Variants in PLEKHA8 observed in about 807,000 individuals in gnomAD.
PLEKHA8 encodes pleckstrin homology domain containing A8.
Under a neutral mutation model 68.2 loss-of-function variants are expected in PLEKHA8, and 36 were observed. The ratio of observed to expected loss-of-function variants is 0.53; its 90% CI spans 0.40 to 0.70. The LOEUF (loss-of-function observed/expected upper bound fraction) is 0.70. Among genes scored for constraint, PLEKHA8 ranks in the 30% least tolerant of loss-of-function variants. PLEKHA8 has a pLI of 0.00. For synonymous variants in PLEKHA8, 211 were observed against 216.1 expected (o/e 0.98, Z 0.20); for missense variants, 505 against 615.4 (o/e 0.82, Z 1.90).
chr7:30,056,744 TG>T (rs903695829), intron 9 of PLEKHA8, among the ~76,000 whole-genome samples: 5 of 20,328 alleles, frequency 2.5e-4, no homozygotes, highest in African/African-American at 6.8e-4. Context: ...AAAAAAAAAG[TG>T]TGTGTGTGTG....
intron 13 of PLEKHA8, 136 bp downstream of exon 13, chr7:30,074,268 G>GTGTGTGTGTGTA (rs1794468821): frequency 3.1e-6 from 2 of 652,352 alleles, no homozygotes; most frequent in South Asian, 5.1e-5. Context: ...GTGTGTGTGT[G>GTGTGTGTGTGTA]TGTGTATGTG....
Position 30,036,794 on chromosome 7 carries a change from C to T in PLEKHA8, c.40+7992C>T, listed in dbSNP as rs192876381. 3.1e-3 allele frequency among the ~76,000 whole-genome samples: 479 copies of T among 152,300 alleles called. 2 individuals are homozygous for T. Among genetic ancestry groups the T allele is most frequent in the Admixed American group, 8.7e-3 (133 of 15,302 alleles). Reference sequence around the variant, plus strand: ...GGGATCTTTTCTCTAAATCTCCAAACCTGGCAAACTACAACTGCTCAGAAA... The same window carrying T: ...GGGATCTTTTCTCTAAATCTCCAAATCTGGCAAACTACAACTGCTCAGAAA... On this transcript the variant is annotated intron_variant, in intron 1 of 13. Coordinates refer to ENST00000449726, the MANE Select transcript of PLEKHA8 (RefSeq NM_001197026.2).
chr7:30,048,099 G>A, intron 4 of PLEKHA8, 143 bp downstream of exon 4: 1 of 415,526 alleles, frequency 2.4e-6, no homozygotes, highest in Non-Finnish European at 3.6e-6. Context: ...CTTACAGGTG[G>A]TGTTTACTCT....
chr7:30,081,437 G>A lies in PLEKHA8; in HGVS notation c.*2650G>A. 1.0e-6 allele frequency: 1 copy of A among 984,764 alleles called. No individual in the cohort carries two copies. The highest frequency in any genetic ancestry group is 1.2e-6 in the Non-Finnish European group (1 of 829,320). 61.0% of individuals were successfully genotyped at this position (984,764 alleles called of 1,614,324 possible). A position where few individuals can be genotyped will look rare whatever the true frequency, so the allele number is the denominator to read the frequency against. On this transcript the variant is annotated 3_prime_UTR_variant, in exon 14 of 14. Coordinates refer to ENST00000449726, the MANE Select transcript of PLEKHA8 (RefSeq NM_001197026.2). Reference sequence around the variant, plus strand: ...TAACCTGAACCTTGGCATAGTCAGAGCTTCCTCCTACATCTAAAGTATTTG... The same window carrying A: ...TAACCTGAACCTTGGCATAGTCAGAACTTCCTCCTACATCTAAAGTATTTG...
rs900529770 is a variant in PLEKHA8 at position 30,046,242 on chromosome 7, A to G, written c.190A>G (p.Ile64Val). Residue 64 changes from isoleucine (I) to valine (V), a missense_variant, in exon 3 of 14, where the codon ATA (isoleucine) becomes GTA (valine). Coordinates refer to ENST00000449726, the MANE Select transcript of PLEKHA8 (RefSeq NM_001197026.2). ...HSVDNTRMDL[I>V]IPGEQYFYLK... ...TGTAGATAATACACGCATGGACCTG[A>G]TAATCCCTGGGGAACAGTATTTCTA... is the stretch of plus-strand genomic sequence containing the variant. 1.2e-6 allele frequency: 2 copies of G among 1,613,072 alleles called. No individual in the cohort carries two copies. Among genetic ancestry groups the G allele is most frequent in the African/African-American group, 2.7e-5 (2 of 74,890 alleles).
chr7:30,052,786 A>G lies in PLEKHA8; in HGVS notation c.716A>G (p.Asn239Ser). ...INGEEEILMK[N>S]KNSLYLKSAE... ...GGTGAGGAAGAAATCCTAATGAAAA[A>G]TAAGAATTCCTTATATTTGAAATCT... Residue 239 changes from asparagine to serine, a missense_variant, in exon 7 of 14, where the codon AAT (asparagine) becomes AGT (serine). Transcript: ENST00000449726. 2 of 1,566,906 alleles carry G rather than the reference A, an allele frequency of 1.3e-6. No homozygotes were observed. The highest frequency in any genetic ancestry group is 1.7e-6 in the Non-Finnish European group (2 of 1,164,980).
At chr7:30,091,259 C>CT (rs572121473), downstream of PLEKHA8, among the ~76,000 whole-genome samples, 1,638 of 144,244 alleles carry the variant, frequency 0.011, 14 homozygotes, top group South Asian at 0.027. Flanking sequence ...TTGTTTTACT[C>CT]TTTTTTTTTT....
chr7:30,046,335 C>G lies in PLEKHA8; in HGVS notation c.283C>G (p.Leu95Val), dbSNP rs1335913962. The change falls in exon 3 of 14, where the codon CTG (leucine) becomes GTG (valine). Residue 95 changes from leucine (L) to valine (V), a missense_variant. By Grantham distance (32) the Leu-to-Val change is conservative (BLOSUM62 1). Coordinates refer to ENST00000449726, the MANE Select transcript of PLEKHA8 (RefSeq NM_001197026.2). ...GGCCCTGGGATCAGCCAAGGCTTGC[C>G]TGACTGACAGTAGGACCCAGAAGGA... Reference protein sequence around the residue: ...LVALGSAKACLTDSRTQKEKE... With the variant: ...LVALGSAKACVTDSRTQKEKE... The G allele has an allele frequency of 2.5e-6, 4 of 1,612,442 alleles. No individual in the cohort carries two copies. The highest frequency in any genetic ancestry group is 2.2e-5 in the East Asian group (1 of 44,864).
chr7:30,062,808 A>G (rs1373824868), intron 12 of PLEKHA8, 66 bp downstream of exon 12: 3 of 1,205,020 alleles, frequency 2.5e-6, no homozygotes, highest in African/African-American at 1.5e-5. Context: ...CTAGAGGAGG[A>G]TACAGGGTAT....
chr7:30,077,079 T>G (rs1794653974), intron 13 of PLEKHA8, among the ~76,000 whole-genome samples: 1 of 152,182 alleles, frequency 6.6e-6, no homozygotes, highest in Admixed American at 6.5e-5. Context: ...CTCCCCTTTT[T>G]TTTCTAGAGT....
chr7:30,075,571 C>G (rs1157556589), intron 13 of PLEKHA8, among the ~76,000 whole-genome samples: 1 of 152,186 alleles, frequency 6.6e-6, no homozygotes, highest in Non-Finnish European at 1.5e-5. Context: ...TCCATTAGAG[C>G]TCTCTGCAGT....
At position 30,080,304 on chromosome 7, in the gene PLEKHA8, T is replaced by A. The variant is rs973327306; in HGVS notation, c.*1517T>A. 2.0e-6 allele frequency: 2 copies of A among 985,342 alleles called. No homozygotes were observed. The highest frequency in any genetic ancestry group is 3.5e-5 in the African/African-American group (2 of 57,334). The allele number at this position is 985,342 out of a possible 1,614,324, so 61.0% of individuals were successfully genotyped here. On this transcript the variant is annotated 3_prime_UTR_variant, in exon 14 of 14. Transcript: ENST00000449726. ...TCTCAGTAGACCATGCTGCCTCGAG[T>A]GTGCATCGGAGAGAAGCCATGGGTA...
At chr7:30,035,426 T>C (rs1453128336) in intron 1 of PLEKHA8, among the ~76,000 whole-genome samples, 2 of 152,324 alleles carry the variant, frequency 1.3e-5, no homozygotes, top group South Asian at 4.1e-4. Context: ...ATTAGATCAC[T>C]GTTTTGATTA....
intron 6 of PLEKHA8, among the ~76,000 whole-genome samples, chr7:30,052,093 GT>G (rs1216186286): frequency 6.6e-6 from 1 of 152,226 alleles, no homozygotes; most frequent in Non-Finnish European, 1.5e-5. Context: ...AGTGTGCAAA[GT>G]GGCACCGGAG....
downstream of PLEKHA8, among the ~76,000 whole-genome samples, chr7:30,089,083 G>T (rs1007269512): frequency 3.3e-5 from 5 of 152,128 alleles, no homozygotes; most frequent in Admixed American, 2.0e-4. Context: ...TCACTGTGGT[G>T]CAGGACTTAA....
rs1210466073 is a variant in PLEKHA8, at chr7:30,080,729, T to A, written c.*1942T>A. The A allele has an allele frequency of 1.0e-6, 1 of 985,324 alleles. No individual in the cohort carries two copies. Among genetic ancestry groups the A allele is most frequent in the East Asian group, 1.1e-4 (1 of 8,810 alleles). The allele number at this position is 985,324 out of a possible 1,614,324, so 61.0% of individuals were successfully genotyped here. On this transcript the variant is annotated 3_prime_UTR_variant, in exon 14 of 14. Transcript: ENST00000449726. ...TTTTGCCAAGGTGTGTGTGTGTTAT[T>A]TCCCTCCCACTCTCATGAGCAGTGA...
chr7:30,046,519 T>C (rs1791977357), intron 3 of PLEKHA8, 154 bp downstream of exon 3: 2 of 891,078 alleles, frequency 2.2e-6, no homozygotes, highest in Admixed American at 3.2e-5. Context: ...CCAGGGTCCA[T>C]ATCTAACTCT....
At chr7:30,117,011 G>A (rs1052481601) in intron 13 of PLEKHA8, among the ~76,000 whole-genome samples, 6 of 152,226 alleles carry the variant, frequency 3.9e-5, no homozygotes, top group African/African-American at 1.4e-4. Flanking sequence ...TCTTGCAAAT[G>A]TAGGTCTAAC....
At chr7:30,109,712 C>G (rs1399571118) in intron 13 of PLEKHA8, among the ~76,000 whole-genome samples, 9 of 149,524 alleles carry the variant, frequency 6.0e-5, no homozygotes, top group Admixed American at 2.7e-4. Flanking sequence ...CACTTTGTCA[C>G]CCAGGCTGGA....
Sources: allele counts gnomAD v4.1 joint callset (sites outside exome capture counted in the v4.1 genomes callset), GRCh38; gene constraint gnomAD v4.1.1; transcripts MANE v1.5; gene names NCBI Gene and HGNC (gene_info 2026-07-23, HGNC 2026-07-21).